Variants in PDZD8 observed in about 807,000 individuals in gnomAD.
PDZD8 encodes the protein PDZ domain-containing protein 8.
In PDZD8, 14 loss-of-function variants were observed where a neutral mutation model predicts 85.8. The ratio of observed to expected loss-of-function variants is 0.16; its 90% CI spans 0.11 to 0.26. The LOEUF is 0.26. Among genes scored for constraint, PDZD8 ranks in the 10% least tolerant of loss-of-function variants. PDZD8 has a pLI of 1.00. For synonymous variants in PDZD8, 592 were observed against 568.6 expected (o/e 1.04, Z -0.59); for missense variants, 1,197 against 1,424.3 (o/e 0.84, Z 2.57).
At position 117,281,194 on chromosome 10, in the gene PDZD8, C is replaced by A. The variant is rs2133754106; in HGVS notation, c.*2074G>T. On this transcript the variant is annotated 3_prime_UTR_variant, in exon 5 of 5. Transcript: ENST00000334464. ...CCATCCTGGCTAACATGGTGAAACC[C>A]CGTCTCTACTAAAAATACAAAAAAT... 6.6e-6 allele frequency: 1 copy of A among 152,036 alleles called. No individual in the cohort carries two copies. Among genetic ancestry groups the A allele is most frequent in the Non-Finnish European group, 1.5e-5 (1 of 68,042 alleles). 9.4% of individuals were successfully genotyped at this position (152,036 alleles called of 1,614,324 possible). A position where few individuals can be genotyped will look rare whatever the true frequency, so the allele number is the denominator to read the frequency against.
intron 1 of PDZD8, among the ~76,000 whole-genome samples, chr10:117,359,476 C>T (rs368698586): frequency 6.0e-5 from 9 of 150,726 alleles, no homozygotes; most frequent in East Asian, 5.9e-4. Flanking sequence ...TTTGGGAGGC[C>T]GAGGCGGGCG....
At chr10:117,301,142 C>T (rs1318593159) in intron 3 of PDZD8, among the ~76,000 whole-genome samples, 1 of 152,080 alleles carries the variant, frequency 6.6e-6, no homozygotes, top group Non-Finnish European at 1.5e-5. Flanking sequence ...GTGCGTGCCA[C>T]CACACCTGGC....
rs1455312729 is a variant in PDZD8 at position 117,283,370 on chromosome 10, ATC to A, written c.3361_3362del (p.Asp1121Ter). 1 of 1,613,940 alleles carries A rather than the reference ATC, an allele frequency of 6.2e-7. No homozygotes were observed. The highest frequency in any genetic ancestry group is 8.5e-7 in the Non-Finnish European group (1 of 1,179,926). ...CATTATCAAGGTCTTCTTCTGTATC[ATC>A]TGTGTACTTGCTTATTTTTTTGGAG... ...QHSKKISKYTDDTEEDLDNEI... is the reference protein window; with the variant it reads ...QHSKKISKYTXDTEEDLDNEI... On this transcript the variant is annotated frameshift_variant, in exon 5 of 5. Coordinates refer to ENST00000334464, the MANE Select transcript of PDZD8 (RefSeq NM_173791.5). LOFTEE classifies it high-confidence loss of function.
chr10:117,295,008 C>G (rs1338401146), intron 3 of PDZD8, among the ~76,000 whole-genome samples: 1 of 152,002 alleles, frequency 6.6e-6, no homozygotes, highest in Non-Finnish European at 1.5e-5. Flanking sequence ...TTAATATTTT[C>G]ACCACAAAGA....
chr10:117,346,273 A>G (rs1274750888), intron 1 of PDZD8, among the ~76,000 whole-genome samples: 2 of 151,728 alleles, frequency 1.3e-5, no homozygotes, highest in East Asian at 3.9e-4. Context: ...TATTATGACA[A>G]TGTTACACTA....
At chr10:117,292,807 A>G (rs2133768349) in intron 3 of PDZD8, among the ~76,000 whole-genome samples, 1 of 152,032 alleles carries the variant, frequency 6.6e-6, no homozygotes, top group Admixed American at 6.5e-5. Flanking sequence ...AGTAGCAATA[A>G]TTAGGGCCAA....
intron 3 of PDZD8, among the ~76,000 whole-genome samples, chr10:117,315,607 A>C (rs933980493): frequency 9.3e-5 from 14 of 151,182 alleles, no homozygotes; most frequent in South Asian, 4.2e-4. Flanking sequence ...AAAAAAAAAA[A>C]AAAAACAATA....
intron 2 of PDZD8, among the ~76,000 whole-genome samples, chr10:117,328,710 C>T (rs954909558): frequency 1.3e-5 from 2 of 152,072 alleles, no homozygotes; most frequent in South Asian, 2.1e-4. Flanking sequence ...TTCTACCTTA[C>T]CAAACCCACT....
In PDZD8 at chr10:117,279,766, GTA is replaced by G. The variant is rs1844551697; in HGVS notation, c.*3500_*3501del. 2 of 152,180 alleles carry G rather than the reference GTA, an allele frequency of 1.3e-5. No individual in the cohort carries two copies. The highest frequency in any genetic ancestry group is 4.1e-4 in the South Asian group (2 of 4,826). 9.4% of individuals were successfully genotyped at this position (152,180 alleles called of 1,614,324 possible). A position where few individuals can be genotyped will look rare whatever the true frequency, so the allele number is the denominator to read the frequency against. ...ATTTGACTTAATCCCGGGGGAGTTT[GTA>G]AAACCGTTGAAATCTGATACATTTT... On this transcript the variant is annotated 3_prime_UTR_variant, in exon 5 of 5. Coordinates refer to ENST00000334464, the MANE Select transcript of PDZD8 (RefSeq NM_173791.5).
chr10:117,296,628 T>C (rs1212514303), intron 3 of PDZD8, among the ~76,000 whole-genome samples: 1 of 152,030 alleles, frequency 6.6e-6, no homozygotes. Flanking sequence ...CATGAAATAA[T>C]GGAATGATAG....
intron 1 of PDZD8, among the ~76,000 whole-genome samples, chr10:117,360,833 G>A (rs1210724658): frequency 1.1e-4 from 17 of 151,558 alleles, no homozygotes; most frequent in Admixed American, 1.1e-3. Flanking sequence ...CTTTACATAT[G>A]GTAAAAATAA....
chr10:117,325,105 C>T lies in PDZD8; in HGVS notation c.996-6131G>A, dbSNP rs569447097. On this transcript the variant is annotated intron_variant, in intron 2 of 4. Coordinates refer to ENST00000334464, the MANE Select transcript of PDZD8 (RefSeq NM_173791.5). ...CAAGGAATTAAAGTTGACTTTGTGG[C>T]GCCATTAACACCTCTGTCACCCCTC... Among the ~76,000 whole-genome samples, 208 of 152,092 alleles carry T rather than the reference C, an allele frequency of 1.4e-3. 1 individual carries two copies. Among genetic ancestry groups the T allele is most frequent in the African/African-American group, 4.0e-3 (168 of 41,484 alleles).
intron 3 of PDZD8, among the ~76,000 whole-genome samples, chr10:117,296,697 A>T (rs990590591): frequency 1.4e-4 from 21 of 152,132 alleles, no homozygotes; most frequent in Non-Finnish European, 2.4e-4. Flanking sequence ...TGCTAGATTA[A>T]TTAATAGGGA....
chr10:117,366,134 G>C (rs1382765839), intron 1 of PDZD8, among the ~76,000 whole-genome samples: 1 of 152,100 alleles, frequency 6.6e-6, no homozygotes, highest in Non-Finnish European at 1.5e-5. Flanking sequence ...TGAGCCATAT[G>C]AATCCTATAT....
chr10:117,290,861 ATCCTTTTTTTT>A (rs1030948336), intron 3 of PDZD8, among the ~76,000 whole-genome samples: 2 of 134,964 alleles, frequency 1.5e-5, no homozygotes, highest in African/African-American at 5.5e-5. Flanking sequence ...TGTATGGTGT[ATCCTTTTTTTT>A]TTTTTTTTTT....
intron 2 of PDZD8, among the ~76,000 whole-genome samples, chr10:117,338,033 A>T (rs1844547372): frequency 6.6e-6 from 1 of 152,190 alleles, no homozygotes. Context: ...AATGAGATTA[A>T]CTATTGAAAT....
intron 1 of PDZD8, among the ~76,000 whole-genome samples, chr10:117,366,588 C>G (rs1320812752): frequency 6.9e-6 from 1 of 144,980 alleles, no homozygotes; most frequent in Non-Finnish European, 1.5e-5. Flanking sequence ...ACTGTCACCA[C>G]CATTACCACC....
chr10:117,348,527 G>T (rs973447335), intron 1 of PDZD8, among the ~76,000 whole-genome samples: 1 of 152,186 alleles, frequency 6.6e-6, no homozygotes, highest in Non-Finnish European at 1.5e-5. Context: ...TCGAAGATCA[G>T]GGTACAGACA....
At chr10:117,310,745 A>G (rs1844023167) in intron 3 of PDZD8, among the ~76,000 whole-genome samples, 1 of 152,174 alleles carries the variant, frequency 6.6e-6, no homozygotes, top group Admixed American at 6.5e-5. Context: ...TGACATTTTC[A>G]AAAAGGCTTT....
Sources: allele counts gnomAD v4.1 joint callset (sites outside exome capture counted in the v4.1 genomes callset), GRCh38; gene constraint gnomAD v4.1.1; transcripts MANE v1.5; gene names NCBI Gene and HGNC (gene_info 2026-07-23, HGNC 2026-07-21).